Variants in KCNIP4 observed in about 807,000 individuals in gnomAD.
The protein encoded by KCNIP4 is potassium voltage-gated channel interacting protein 4, also known as Kv channel-interacting protein 4.
Under a neutral mutation model 34.0 loss-of-function variants are expected in KCNIP4, and 12 were observed. The observed-to-expected ratio is 0.35, with a 90% confidence interval of 0.23 to 0.57. The LOEUF (loss-of-function observed/expected upper bound fraction) is 0.57. Ranked by LOEUF, KCNIP4 falls within the 20% of genes least tolerant of loss-of-function variation. The probability of loss-of-function intolerance (pLI) is 0.83; values close to 1 mark genes in which losing one functional copy is unlikely to be tolerated. For synonymous variants in KCNIP4, 124 were observed against 102.2 expected (o/e 1.21, Z -1.29); for missense variants, 238 against 311.7 (o/e 0.76, Z 1.78).
chr4:21,265,162 A>G (rs1761717574), intron 1 of KCNIP4, among the ~76,000 whole-genome samples: 1 of 152,096 alleles, frequency 6.6e-6, no homozygotes, highest in Admixed American at 6.6e-5. Flanking sequence ...GATGGTTTGG[A>G]ATTCACCAAT....
At chr4:21,087,145 AATGTGTGTGTGT>A (rs1331291479) in intron 1 of KCNIP4, among the ~76,000 whole-genome samples, 12 of 70,254 alleles carry the variant, frequency 1.7e-4, no homozygotes, top group African/African-American at 4.4e-4. Context: ...ACTGCTGGGT[AATGTGTGTGTGT>A]GTGTGTGTGT....
intron 1 of KCNIP4, among the ~76,000 whole-genome samples, chr4:21,348,624 A>G (rs1392378088): frequency 1.3e-5 from 2 of 152,242 alleles, no homozygotes; most frequent in Non-Finnish European, 2.9e-5. Flanking sequence ...CTGTTTAAAT[A>G]GCAAAAATTT....
At chr4:21,637,287 T>C (rs1560582280) in intron 1 of KCNIP4, among the ~76,000 whole-genome samples, 1 of 152,136 alleles carries the variant, frequency 6.6e-6, no homozygotes, top group Non-Finnish European at 1.5e-5. Context: ...GTAAATACTT[T>C]AGGTAAATAC....
chr4:21,358,889 T>C (rs1718934151), intron 1 of KCNIP4, among the ~76,000 whole-genome samples: 1 of 152,106 alleles, frequency 6.6e-6, no homozygotes, highest in Non-Finnish European at 1.5e-5. Flanking sequence ...TGTCCTACCT[T>C]TGCTTCGAGT....
intron 3 of KCNIP4, among the ~76,000 whole-genome samples, chr4:20,846,240 G>C (rs1252598455): frequency 6.6e-6 from 1 of 152,186 alleles, no homozygotes; most frequent in Non-Finnish European, 1.5e-5. Context: ...GGAACCAGCT[G>C]TCTGAAGCAT....
intron 1 of KCNIP4, among the ~76,000 whole-genome samples, chr4:21,798,410 T>C (rs868819639): frequency 0.11 from 15,734 of 138,932 alleles, 2,894 homozygotes; most frequent in African/African-American, 0.41. Flanking sequence ...AATACATATA[T>C]ATATATATAT....
rs1553935808 is a variant in KCNIP4, at chr4:21,087,146, A to ATGTGTATGTG, written c.62-204438_62-204437insCACATACACA. On this transcript the variant is annotated intron_variant, in intron 1 of 8. Coordinates refer to ENST00000382152, the MANE Select transcript of KCNIP4 (RefSeq NM_025221.6). ...AGGCATGCACCACCACTGCTGGGTA[A>ATGTGTATGTG]TGTGTGTGTGTGTGTGTGTGTGTGT... Among the ~76,000 whole-genome samples the ATGTGTATGTG allele has an allele frequency of 3.6e-3, 394 of 110,910 alleles. 2 individuals carry two copies. Among genetic ancestry groups the ATGTGTATGTG allele is most frequent in the African/African-American group, 0.013 (347 of 26,798 alleles). The allele number at this position is 110,910 out of a possible 152,430, so 72.8% of individuals were successfully genotyped here.
intron 1 of KCNIP4, among the ~76,000 whole-genome samples, chr4:21,757,136 AAAG>A (rs1717602806): frequency 4.1e-5 from 1 of 24,112 alleles, no homozygotes; most frequent in African/African-American, 1.9e-4. Context: ...AGAAAGAAAG[AAAG>A]AAAGAAAGAA....
chr4:21,210,104 A>C (rs1053706759), intron 1 of KCNIP4, among the ~76,000 whole-genome samples: 3 of 152,234 alleles, frequency 2.0e-5, no homozygotes, highest in African/African-American at 7.2e-5. Flanking sequence ...CAGAAGAGTT[A>C]TTAACAGGAA....
In KCNIP4 at chr4:21,307,038, T is replaced by C. The variant is rs1578055085; in HGVS notation, c.62-424329A>G. 2.0e-5 allele frequency among the ~76,000 whole-genome samples: 3 copies of C among 152,038 alleles called. No homozygotes were observed. The South Asian group carries it at 6.2e-4, about 32-fold the overall frequency. On this transcript the variant is annotated intron_variant, in intron 1 of 8. Transcript: ENST00000382152. The stretch of plus-strand genomic sequence containing the variant: ...GGTTTCTCCATGTTGGTGAGGCTGG[T>C]TTTGAACTCCCGACATCAGGTGATA...
intron 1 of KCNIP4, among the ~76,000 whole-genome samples, chr4:21,716,331 G>T (rs1714376369): frequency 6.6e-6 from 1 of 151,992 alleles, no homozygotes. Flanking sequence ...CTGCCTCCCG[G>T]GTTCAAGCGA....
At chr4:21,877,865 G>C (rs16872023) in intron 1 of KCNIP4, among the ~76,000 whole-genome samples, 13,154 of 152,156 alleles carry the variant, frequency 0.086, 1,924 homozygotes, top group African/African-American at 0.3. Flanking sequence ...TTCTCTCCAT[G>C]TCACACAATA....
chr4:20,956,456 GAT>G (rs1256315144), intron 1 of KCNIP4, among the ~76,000 whole-genome samples: 2 of 151,658 alleles, frequency 1.3e-5, no homozygotes, highest in Non-Finnish European at 2.9e-5. Context: ...AGTGAGCCGA[GAT>G]TGTGCCACTG....
At chr4:20,928,244 CT>C (rs11403879) in intron 1 of KCNIP4, among the ~76,000 whole-genome samples, 54 of 147,028 alleles carry the variant, frequency 3.7e-4, no homozygotes, top group Admixed American at 2.9e-3. Context: ...AAGATAGTTT[CT>C]TTTTTTTTTT....
At chr4:21,946,961 G>T (rs551545111) in intron 1 of KCNIP4, among the ~76,000 whole-genome samples, 10 of 152,262 alleles carry the variant, frequency 6.6e-5, no homozygotes, top group African/African-American at 2.4e-4. Flanking sequence ...GTCTAGACAT[G>T]CTGATTCAAT....
At chr4:20,754,891 T>C (rs896134261) in intron 4 of KCNIP4, among the ~76,000 whole-genome samples, 4 of 152,256 alleles carry the variant, frequency 2.6e-5, no homozygotes, top group African/African-American at 9.6e-5. Context: ...AAGATTTTCA[T>C]CTGCATTGGT....
chr4:20,827,372 G>T lies in KCNIP4; in HGVS notation c.288+23171C>A, dbSNP rs184589949. ...TTGACTTGCAGATGACTAGCCTCTT[G>T]TTGCCTCTTCACATGGGAATGCACG... On this transcript the variant is annotated intron_variant, in intron 3 of 8. Transcript: ENST00000382152. Among the ~76,000 whole-genome samples the T allele has an allele frequency of 1.7e-3, 260 of 152,206 alleles. 1 individual carries two copies. The highest frequency in any genetic ancestry group is 6.0e-3 in the African/African-American group (250 of 41,546).
In KCNIP4 at chr4:21,565,642, G is replaced by A. The variant is rs150306989; in HGVS notation, c.61+382929C>T. On this transcript the variant is annotated intron_variant, in intron 1 of 8. Coordinates refer to ENST00000382152, the MANE Select transcript of KCNIP4 (RefSeq NM_025221.6). The stretch of plus-strand genomic sequence containing the variant: ...AACATTCACCTAAAGCAACTGATTG[G>A]CAATGACATTCATTACAGATTTATA... Among the ~76,000 whole-genome samples, 260 of 152,150 alleles carry A rather than the reference G, an allele frequency of 1.7e-3. 2 individuals are homozygous for A. Among genetic ancestry groups the A allele is most frequent in the African/African-American group, 6.0e-3 (248 of 41,496 alleles).
intron 1 of KCNIP4, chr4:21,582,180 C>T (rs1446295538): frequency 1.3e-5 from 2 of 150,802 alleles, no homozygotes; most frequent in East Asian, 1.9e-4. Flanking sequence ...TGTGTGTGTG[C>T]TGTACTATAA....
Sources: gnomAD v4.1 joint callset for allele counts (sites outside exome capture counted in the v4.1 genomes callset) on GRCh38, gnomAD v4.1.1 for gene constraint, MANE v1.5 for transcripts, NCBI Gene and HGNC (gene_info 2026-07-23, HGNC 2026-07-21) for gene names.